PTPRF: variants seen among roughly 807,000 people sequenced by gnomAD.
PTPRF encodes protein tyrosine phosphatase receptor type F.
Under a neutral mutation model 201.8 loss-of-function variants are expected in PTPRF, and 59 were observed. That is an observed-to-expected ratio of 0.29 (90% confidence interval 0.24 to 0.36). The LOEUF (loss-of-function observed/expected upper bound fraction) is 0.36, where lower values mean the gene tolerates loss of function less well. Among genes scored for constraint, PTPRF ranks in the 10% least tolerant of loss-of-function variants. The probability of loss-of-function intolerance (pLI) is 1.00; values close to 1 mark genes in which losing one functional copy is unlikely to be tolerated. For synonymous variants in PTPRF, 1,088 were observed against 1,089.7 expected, an observed-to-expected ratio of 1.00 and a Z score of 0.03; for missense variants, 2,132 against 2,690.5, an observed-to-expected ratio of 0.79 and a Z score of 4.59.
chr1:43,530,383 G>A (rs182005149), upstream of PTPRF, among the ~76,000 whole-genome samples: 14 of 152,168 alleles, frequency 9.2e-5, no homozygotes, highest in East Asian at 2.5e-3. This position sits in a 1 kb window ranked among gnomAD's most constrained non-coding sequence, Gnocchi z 4.1. Flanking sequence ...GTCCAGCGTT[G>A]GTGCTAGCGT....
chr1:43,552,339 C>G (rs1300578463), intron 3 of PTPRF, among the ~76,000 whole-genome samples: 1 of 152,196 alleles, frequency 6.6e-6, no homozygotes, highest in Non-Finnish European at 1.5e-5. Context: ...GTCAAACATG[C>G]CTGAATTCAG....
Position 43,619,683 on chromosome 1 carries a change from C to T in PTPRF, c.4936C>T (p.Leu1646=), listed in dbSNP as rs1658730824. 6.2e-7 allele frequency: 1 copy of T among 1,613,942 alleles called. No individual in the cohort carries two copies. Among genetic ancestry groups the T allele is most frequent in the East Asian group, 2.2e-5 (1 of 44,890 alleles). ...VTAMELEFKL[L]ASSKAHTSRF... is the part of the protein sequence containing the mutation. ...ACCAATCCCTGCCTCTCAATAGTTG[C>T]TGGCCAGCTCCAAGGCCCACACGTC... is the stretch of plus-strand genomic sequence containing the variant. Residue 1646 remains leucine, a synonymous_variant, in exon 29 of 34, where the codon CTG becomes TTG. Coordinates refer to ENST00000359947, the MANE Select transcript of PTPRF (RefSeq NM_002840.5).
At chr1:43,596,167 A>G (rs998261078) in intron 11 of PTPRF, among the ~76,000 whole-genome samples, 2 of 152,128 alleles carry the variant, frequency 1.3e-5, no homozygotes, top group South Asian at 2.1e-4. Flanking sequence ...AGGTTGATGG[A>G]CAGGCATCCT....
chr1:43,590,904 C>T, intron 8 of PTPRF, 68 bp from the exon 9 acceptor site: 1 of 1,397,338 alleles, frequency 7.2e-7, no homozygotes, highest in Non-Finnish European at 9.8e-7. Flanking sequence ...TGGATAATCC[C>T]CAAGTCTAGG....
chr1:43,543,414 A>G (rs571598268), intron 2 of PTPRF, among the ~76,000 whole-genome samples: 2 of 152,330 alleles, frequency 1.3e-5, no homozygotes, highest in Admixed American at 6.5e-5. Flanking sequence ...ACACCTATCA[A>G]CGTTCTTACT....
At chr1:43,585,282 GCTGT>G (rs1214006078) in intron 7 of PTPRF, among the ~76,000 whole-genome samples, 1 of 152,204 alleles carries the variant, frequency 6.6e-6, no homozygotes, top group Non-Finnish European at 1.5e-5. Context: ...CATGGGGGTG[GCTGT>G]CTGGGCAGGT....
upstream of PTPRF, among the ~76,000 whole-genome samples, chr1:43,523,509 C>T (rs1316213347): frequency 3.9e-5 from 6 of 151,914 alleles, no homozygotes; most frequent in East Asian, 1.2e-3. Flanking sequence ...AAGAGGCAAA[C>T]CAGGAGAGTA....
intron 16 of PTPRF, 137 bp from the exon 17 acceptor site, chr1:43,604,766 C>A: frequency 1.3e-6 from 1 of 741,726 alleles, no homozygotes; most frequent in Admixed American, 2.1e-5. Flanking sequence ...GAGTGGGGCG[C>A]TTGGTACTCT....
intron 21 of PTPRF, among the ~76,000 whole-genome samples, chr1:43,608,806 C>T (rs1331466290): frequency 2.6e-5 from 4 of 152,240 alleles, no homozygotes; most frequent in Non-Finnish European, 5.9e-5. Context: ...CAAGTAGCCT[C>T]TGGCTATTTG....
intron 20 of PTPRF, 54 bp from the exon 21 acceptor site, chr1:43,606,760 G>A: frequency 6.3e-7 from 1 of 1,592,380 alleles, no homozygotes; most frequent in Non-Finnish European, 8.5e-7. Context: ...ATAGGCAGAG[G>A]GTGGGGGGTT....
At chr1:43,602,157 T>C in intron 14 of PTPRF, 60 bp downstream of exon 14, 1 of 1,548,304 alleles carries the variant, frequency 6.5e-7, no homozygotes, top group Non-Finnish European at 8.9e-7. Context: ...CGTGGGACGC[T>C]CCTCCTCTCC....
chr1:43,566,762 G>A (rs1008648347), intron 5 of PTPRF, among the ~76,000 whole-genome samples: 6 of 152,184 alleles, frequency 3.9e-5, no homozygotes, highest in Admixed American at 3.9e-4. Flanking sequence ...GGGTGGCAGA[G>A]TGGCAGACTT....
intron 6 of PTPRF, among the ~76,000 whole-genome samples, chr1:43,574,466 G>A (rs1646792585): frequency 6.6e-6 from 1 of 151,992 alleles, no homozygotes; most frequent in South Asian, 2.1e-4. Flanking sequence ...TTTACCAAGA[G>A]GGACAACATT....
Position 43,606,221 on chromosome 1 carries a change from C to G in PTPRF, c.3484-19C>G. 1 of 1,606,418 alleles carries G rather than the reference C, an allele frequency of 6.2e-7. No individual in the cohort carries two copies. The highest frequency in any genetic ancestry group is 1.1e-5 in the South Asian group (1 of 90,420). The stretch of plus-strand genomic sequence containing the variant: ...CATGCTCCAAGGCCCCTCATGACCC[C>G]CATGCTCTGCTCTGCCAGCTTCTAG... On this transcript the variant is annotated intron_variant, in intron 19 of 33. Transcript: ENST00000359947.
rs1659440466 is a variant in PTPRF at position 43,622,627 on chromosome 1, C to A, written c.*624C>A. On this transcript the variant is annotated 3_prime_UTR_variant, in exon 34 of 34. Transcript: ENST00000359947. ...CCCTTCAGACGAGATCCTGTTTCAG[C>A]TAAATGCAGGGAAACTCAATGTTTT... is the stretch of plus-strand genomic sequence containing the variant. 1 of 152,642 alleles carries A rather than the reference C, an allele frequency of 6.6e-6. No individual in the cohort carries two copies. The highest frequency in any genetic ancestry group is 2.4e-5 in the African/African-American group (1 of 41,454). 9.5% of individuals were successfully genotyped at this position (152,642 alleles called of 1,614,324 possible).
At chr1:43,540,122 G>A (rs1644269998) in intron 2 of PTPRF, among the ~76,000 whole-genome samples, 1 of 152,148 alleles carries the variant, frequency 6.6e-6, no homozygotes, top group African/African-American at 2.4e-5. Flanking sequence ...TGGGGGCAGG[G>A]CTTGTTATTG....
intron 22 of PTPRF, among the ~76,000 whole-genome samples, chr1:43,610,148 C>G (rs757789359): frequency 2.2e-4 from 34 of 152,284 alleles, no homozygotes; most frequent in Admixed American, 1.6e-3. Context: ...TGACGCCTCT[C>G]ACAGTGAGCT....
At chr1:43,612,970 C>G (rs978737993) in intron 22 of PTPRF, among the ~76,000 whole-genome samples, 1 of 152,032 alleles carries the variant, frequency 6.6e-6, no homozygotes, top group Non-Finnish European at 1.5e-5. Context: ...TCCCTACCCT[C>G]CCCTCTGCCC....
chr1:43,560,162 G>A (rs939330672), intron 5 of PTPRF, among the ~76,000 whole-genome samples: 1 of 117,034 alleles, frequency 8.5e-6, no homozygotes, highest in Admixed American at 8.2e-5. Context: ...GCATTTGTGT[G>A]CATGCAGCAG....
Sources: allele counts gnomAD v4.1 joint callset (sites outside exome capture counted in the v4.1 genomes callset), GRCh38; gene constraint gnomAD v4.1.1; non-coding constraint Gnocchi (gnomAD v3.1); transcripts MANE v1.5; gene names NCBI Gene and HGNC (gene_info 2026-07-23, HGNC 2026-07-21).